GALNTL6: variants seen among roughly 807,000 people sequenced by gnomAD.
The protein encoded by GALNTL6 is polypeptide N-acetylgalactosaminyltransferase-like 6.
Under a neutral mutation model 73.7 loss-of-function variants are expected in GALNTL6, and 46 were observed. That is an observed-to-expected ratio of 0.62 (90% CI 0.49 to 0.80). The LOEUF (loss-of-function observed/expected upper bound fraction) is 0.80, where lower values mean the gene tolerates loss of function less well. Ranked by LOEUF, GALNTL6 falls within the 30% of genes least tolerant of loss-of-function variation. The probability of loss-of-function intolerance (pLI) is 0.00; values close to 1 mark genes in which losing one functional copy is unlikely to be tolerated. For synonymous variants in GALNTL6, 259 were observed against 263.7 expected (o/e 0.98, Z 0.17); for missense variants, 604 against 755.0 (o/e 0.80, Z 2.34).
intron 10 of GALNTL6, among the ~76,000 whole-genome samples, chr4:172,956,078 T>C (rs1749736650): frequency 6.6e-6 from 1 of 151,966 alleles, no homozygotes; most frequent in African/African-American, 2.4e-5. Flanking sequence ...CATCTTCTTA[T>C]ATTAATAAGA....
At chr4:172,847,523 A>C (rs888857110) in intron 7 of GALNTL6, among the ~76,000 whole-genome samples, 1 of 152,096 alleles carries the variant, frequency 6.6e-6, no homozygotes, top group African/African-American at 2.4e-5. Context: ...TTTTATTCTA[A>C]GTAATTCCGT....
intron 7 of GALNTL6, among the ~76,000 whole-genome samples, chr4:172,857,061 C>T (rs766028384): frequency 5.9e-5 from 9 of 152,222 alleles, no homozygotes; most frequent in African/African-American, 1.9e-4. Context: ...CTGGAAATTG[C>T]TGTCCAGCAG....
intron 3 of GALNTL6, among the ~76,000 whole-genome samples, chr4:172,287,245 A>T (rs980232869): frequency 6.6e-6 from 1 of 152,182 alleles, no homozygotes; most frequent in African/African-American, 2.4e-5. Flanking sequence ...GTCTCTTTAG[A>T]TAATAAGCTG....
chr4:172,339,054 G>T (rs531735016), intron 4 of GALNTL6, among the ~76,000 whole-genome samples: 1 of 152,210 alleles, frequency 6.6e-6, no homozygotes, highest in Non-Finnish European at 1.5e-5. Flanking sequence ...TGAATGCCTG[G>T]AGATCTGCCT....
At chr4:172,018,516 C>T (rs1310153381) in intron 2 of GALNTL6, among the ~76,000 whole-genome samples, 1 of 151,874 alleles carries the variant, frequency 6.6e-6, no homozygotes, top group Admixed American at 6.6e-5. Flanking sequence ...AAGGCCTCAC[C>T]CAGCTCCCAC....
intron 7 of GALNTL6, among the ~76,000 whole-genome samples, chr4:172,841,881 A>G (rs1382163407): frequency 2.0e-5 from 3 of 152,344 alleles, no homozygotes; most frequent in Admixed American, 1.3e-4. Flanking sequence ...ATATCATAGC[A>G]TCATTAATAC....
chr4:172,259,514 T>C (rs571469674), intron 3 of GALNTL6, among the ~76,000 whole-genome samples: 6 of 151,666 alleles, frequency 4.0e-5, no homozygotes, highest in Admixed American at 3.3e-4. Flanking sequence ...TATTAGTCCT[T>C]TGTCGGATGC....
chr4:172,045,397 A>G (rs565518864), intron 2 of GALNTL6, among the ~76,000 whole-genome samples: 1 of 152,178 alleles, frequency 6.6e-6, no homozygotes, highest in Admixed American at 6.6e-5. Flanking sequence ...AAAAATCAAT[A>G]TAAAATTTCC....
intron 7 of GALNTL6, among the ~76,000 whole-genome samples, chr4:172,839,802 T>A (rs1214098812): frequency 1.3e-5 from 2 of 152,244 alleles, no homozygotes; most frequent in East Asian, 1.9e-4. Context: ...AGAAAAATTA[T>A]CTTTTCCTCT....
At chr4:172,233,069 T>G (rs1050445548) in intron 3 of GALNTL6, among the ~76,000 whole-genome samples, 2 of 152,080 alleles carry the variant, frequency 1.3e-5, no homozygotes, top group Non-Finnish European at 2.9e-5. Flanking sequence ...CATTGTCTTT[T>G]AAAAACTTGA....
chr4:171,898,458 C>G (rs1003307534), intron 2 of GALNTL6, among the ~76,000 whole-genome samples: 1 of 152,016 alleles, frequency 6.6e-6, no homozygotes, highest in East Asian at 1.9e-4. Flanking sequence ...CACAAATATC[C>G]ATCAGCTAGT....
At chr4:171,830,229 C>T (rs1483328558) in intron 2 of GALNTL6, among the ~76,000 whole-genome samples, 1 of 152,102 alleles carries the variant, frequency 6.6e-6, no homozygotes, top group Non-Finnish European at 1.5e-5. Context: ...TAGTGCATCC[C>T]TGCCAACACC....
chr4:172,031,238 A>G (rs1039141271), intron 2 of GALNTL6, among the ~76,000 whole-genome samples: 1 of 152,112 alleles, frequency 6.6e-6, no homozygotes, highest in African/African-American at 2.4e-5. Context: ...TGTACCTTAT[A>G]ATATCTGAAA....
chr4:172,912,082 C>A (rs939738884), intron 8 of GALNTL6, among the ~76,000 whole-genome samples: 1 of 152,120 alleles, frequency 6.6e-6, no homozygotes, highest in Admixed American at 6.6e-5. Context: ...CTATATAAAG[C>A]AAGTCAGTTT....
intron 5 of GALNTL6, among the ~76,000 whole-genome samples, chr4:172,732,150 C>T (rs1202987004): frequency 2.0e-5 from 3 of 152,092 alleles, no homozygotes; most frequent in African/African-American, 7.2e-5. Context: ...ACATCCCTGA[C>T]TATTATTGTA....
chr4:171,983,385 C>A (rs1013406556), intron 2 of GALNTL6, among the ~76,000 whole-genome samples: 2 of 152,140 alleles, frequency 1.3e-5, no homozygotes, highest in Non-Finnish European at 2.9e-5. Flanking sequence ...CTTTCAGTAT[C>A]CACATAACCT....
At chr4:172,317,119 A>C in intron 4 of GALNTL6, among the ~76,000 whole-genome samples, 1 of 152,216 alleles carries the variant, frequency 6.6e-6, no homozygotes, top group East Asian at 1.9e-4. Flanking sequence ...ACTTACAAGT[A>C]CTTACATGAA....
chr4:171,874,008 A>C (rs973821482), intron 2 of GALNTL6, among the ~76,000 whole-genome samples: 1 of 152,108 alleles, frequency 6.6e-6, no homozygotes, highest in African/African-American at 2.4e-5. Context: ...CAGGTGTTGA[A>C]TGCCGGCAGA....
intron 2 of GALNTL6, among the ~76,000 whole-genome samples, chr4:171,988,532 G>A (rs570270494): frequency 5.8e-4 from 88 of 152,186 alleles, no homozygotes; most frequent in South Asian, 2.5e-3. Flanking sequence ...GAACAGAATA[G>A]TGGATTGTGG....
Sources: allele counts gnomAD v4.1 joint callset (sites outside exome capture counted in the v4.1 genomes callset), GRCh38; gene constraint gnomAD v4.1.1; transcripts MANE v1.5; gene names NCBI Gene and HGNC (gene_info 2026-07-23, HGNC 2026-07-21).